Variants in DIP2B observed in about 807,000 individuals in gnomAD.
DIP2B encodes the protein DIP2 acetate--CoA ligase B (putative).
DIP2B carries 76 observed loss-of-function variants against 198.0 expected under a neutral mutation model. The observed-to-expected ratio is 0.38, with a 90% CI of 0.32 to 0.46. DIP2B has a LOEUF of 0.46. DIP2B is among the 20% of genes least tolerant of loss of function. The pLI, the probability that DIP2B is intolerant of heterozygous loss-of-function variation, is 0.99. For synonymous variants in DIP2B, 701 were observed against 739.1 expected, an observed-to-expected ratio of 0.95 and a Z score of 0.84; for missense variants, 1,559 against 1,978.4, an observed-to-expected ratio of 0.79 and a Z score of 4.02.
rs1241628817 is a variant in DIP2B, at chr12:50,726,660, CTTTCT to C, written c.3401-1040_3401-1036del. Among the ~76,000 whole-genome samples the C allele has an allele frequency of 3.1e-3, 256 of 81,524 alleles. 1 individual carries two copies. Among genetic ancestry groups the C allele is most frequent in the Middle Eastern group, 0.02 (3 of 148 alleles). 53.5% of individuals were successfully genotyped at this position (81,524 alleles called of 152,430 possible). A position where few individuals can be genotyped will look rare whatever the true frequency, so the allele number is the denominator to read the frequency against. On this transcript the variant is annotated intron_variant, in intron 28 of 37. Transcript: ENST00000301180. Reference sequence around the variant, plus strand: ...GCCACCGCACCTGGCCACCATTTTTCTTTCTTTCTTTTTTTTTTTTTAAAGAGACA... The same window carrying C: ...GCCACCGCACCTGGCCACCATTTTTCTTCTTTTTTTTTTTTTAAAGAGACA...
intron 17 of DIP2B, among the ~76,000 whole-genome samples, chr12:50,697,757 C>T (rs1049710784): frequency 6.6e-6 from 1 of 151,698 alleles, no homozygotes. Context: ...TCTCGAATTA[C>T]TGGCTTTGAG....
intron 32 of DIP2B, among the ~76,000 whole-genome samples, chr12:50,733,875 G>C (rs144460370): frequency 1.1e-3 from 167 of 152,278 alleles, no homozygotes; most frequent in Non-Finnish European, 7.6e-4. Flanking sequence ...GGCCAATACT[G>C]GTTTTGCAAG....
chr12:50,549,300 C>G (rs549409120), intron 1 of DIP2B, among the ~76,000 whole-genome samples: 16 of 152,112 alleles, frequency 1.1e-4, no homozygotes, highest in African/African-American at 2.9e-4. Context: ...AACCCCGTCT[C>G]TACTAAAAAT....
At chr12:50,578,699 A>G (rs1045333261) in intron 1 of DIP2B, among the ~76,000 whole-genome samples, 7 of 151,376 alleles carry the variant, frequency 4.6e-5, no homozygotes, top group Admixed American at 1.3e-4. Context: ...TAGTAGAGAC[A>G]GGGTTTCACC....
At chr12:50,556,709 A>AT (rs973754534) in intron 1 of DIP2B, among the ~76,000 whole-genome samples, 4 of 151,686 alleles carry the variant, frequency 2.6e-5, no homozygotes, top group African/African-American at 9.7e-5. Context: ...CACCTGGCTA[A>AT]TTTTTTGTAT....
At chr12:50,678,564 G>C in intron 7 of DIP2B, 115 bp from the exon 8 acceptor site, 2 of 1,124,092 alleles carry the variant, frequency 1.8e-6, no homozygotes, top group Non-Finnish European at 2.5e-6. Flanking sequence ...TTCTCAAAGT[G>C]AGTTTAAACC....
intron 12 of DIP2B, 85 bp from the exon 13 acceptor site, chr12:50,690,964 C>T: frequency 8.6e-7 from 1 of 1,162,008 alleles, no homozygotes. Flanking sequence ...GATGGTTTTT[C>T]TGGGTTTTGT....
chr12:50,535,375 T>C (rs1187210297), intron 1 of DIP2B, among the ~76,000 whole-genome samples: 1 of 151,730 alleles, frequency 6.6e-6, no homozygotes, highest in East Asian at 1.9e-4. Context: ...GAAATTTTTT[T>C]TTTTTTTTTT....
At position 50,721,407 on chromosome 12, in the gene DIP2B, G is replaced by A; in HGVS notation, c.3166+11G>A. On this transcript the variant is annotated intron_variant, in intron 26 of 37. Transcript: ENST00000301180. Reference sequence around the variant, plus strand: ...TGCTCTATCCACCTGGTAAGCATTGGATTGGCAGACTAGAGTTTAAGCTCC... The same window carrying A: ...TGCTCTATCCACCTGGTAAGCATTGAATTGGCAGACTAGAGTTTAAGCTCC... 3.1e-6 allele frequency: 5 copies of A among 1,613,726 alleles called. No individual in the cohort carries two copies. The highest frequency in any genetic ancestry group is 3.4e-6 in the Non-Finnish European group (4 of 1,179,798).
chr12:50,673,447 G>C (rs1468965385), intron 5 of DIP2B, among the ~76,000 whole-genome samples: 1 of 152,182 alleles, frequency 6.6e-6, no homozygotes, highest in East Asian at 1.9e-4. Flanking sequence ...ACGTGTCCCT[G>C]TTGAACAGGG....
chr12:50,640,815 T>C lies in DIP2B; in HGVS notation c.264T>C (p.Thr88=). The part of the protein sequence containing the change: ...QTSAPSKYHR[T]RSGGARDERY... ...CTGCTCCCTCTAAGTACCACCGAAC[T>C]CGATCTGGGGGAGCCAGGGATGAAC... The change falls in exon 3 of 38, where the codon ACT becomes ACC. Residue 88 remains threonine (T), a synonymous_variant. Transcript: ENST00000301180. 1 of 1,613,956 alleles carries C rather than the reference T, an allele frequency of 6.2e-7. No individual in the cohort carries two copies. The highest frequency in any genetic ancestry group is 8.5e-7 in the Non-Finnish European group (1 of 1,179,884).
In DIP2B at chr12:50,724,639, C is replaced by T. The variant is rs1197446774; in HGVS notation, c.3289-136C>T. On this transcript the variant is annotated intron_variant, in intron 27 of 37. Coordinates refer to ENST00000301180, the MANE Select transcript of DIP2B (RefSeq NM_173602.3). ...ACATGCAAGGGAGTAACACTGACCT[C>T]GTCTGTCTCACATGTGTTCTTTGAA... The T allele has an allele frequency of 7.5e-6, 5 of 664,572 alleles. No homozygotes were observed. The East Asian group carries it at 8.2e-5, about 11-fold the overall frequency. The allele number at this position is 664,572 out of a possible 1,614,324, so 41.2% of individuals were successfully genotyped here. A position where few individuals can be genotyped will look rare whatever the true frequency, so the allele number is the denominator to read the frequency against.
rs747691563 is a variant in DIP2B, at chr12:50,695,899, A to G, written c.1865A>G (p.His622Arg). 6.2e-7 allele frequency: 1 copy of G among 1,614,046 alleles called. No homozygotes were observed. Among genetic ancestry groups the G allele is most frequent in the Admixed American group, 1.7e-5 (1 of 60,002 alleles). The change falls in exon 16 of 38, where the codon CAT becomes CGT. Residue 622 changes from histidine (H) to arginine (R), a missense_variant. By Grantham distance (29) the His-to-Arg change is conservative (BLOSUM62 0). Coordinates refer to ENST00000301180, the MANE Select transcript of DIP2B (RefSeq NM_173602.3). ...CRDLHWAMMA[H>R]RDQRDVSLSS... ...GACTTGCACTGGGCTATGATGGCAC[A>G]TCGGGACCAAAGAGACGTGAGCTTG...
At chr12:50,591,934 G>A (rs1316480070) in intron 1 of DIP2B, among the ~76,000 whole-genome samples, 1 of 150,704 alleles carries the variant, frequency 6.6e-6, no homozygotes, top group Non-Finnish European at 1.5e-5. Flanking sequence ...CTAGAGTGCA[G>A]TGGTGCGATC....
intron 5 of DIP2B, among the ~76,000 whole-genome samples, chr12:50,674,118 G>T (rs1938903033): frequency 6.6e-6 from 1 of 151,908 alleles, no homozygotes; most frequent in African/African-American, 2.4e-5. Context: ...GATCTTATTT[G>T]GTTCCATTTT....
chr12:50,631,872 T>C (rs1418118833), intron 2 of DIP2B, among the ~76,000 whole-genome samples: 1 of 152,066 alleles, frequency 6.6e-6, no homozygotes, highest in African/African-American at 2.4e-5. Context: ...CAAAAAGGGG[T>C]GGGTTGTAGG....
At chr12:50,673,082 A>T (rs1938882762) in intron 5 of DIP2B, among the ~76,000 whole-genome samples, 2 of 152,200 alleles carry the variant, frequency 1.3e-5, no homozygotes, top group South Asian at 2.1e-4. Flanking sequence ...TCCTTAGCGT[A>T]TATTCCTATA....
intron 19 of DIP2B, among the ~76,000 whole-genome samples, chr12:50,700,602 G>A (rs549654330): frequency 7.9e-4 from 121 of 152,296 alleles, no homozygotes; most frequent in African/African-American, 2.7e-3. Context: ...TGTGGTACCT[G>A]AAAAGGGCTA....
At chr12:50,566,397 G>A (rs535091462) in intron 1 of DIP2B, among the ~76,000 whole-genome samples, 24 of 152,204 alleles carry the variant, frequency 1.6e-4, no homozygotes, top group South Asian at 8.3e-4. Context: ...TTTGGCTTCC[G>A]TGATTTCTGA....
Sources: gnomAD v4.1 joint callset for allele counts (sites outside exome capture counted in the v4.1 genomes callset) on GRCh38, gnomAD v4.1.1 for gene constraint, MANE v1.5 for transcripts, NCBI Gene and HGNC (gene_info 2026-07-23, HGNC 2026-07-21) for gene names.